Variants in PTPRT observed in about 807,000 individuals in gnomAD.
PTPRT encodes the protein protein tyrosine phosphatase receptor type T, also known as receptor-type tyrosine-protein phosphatase T.
A neutral mutation model predicts 176.8 loss-of-function variants in PTPRT; 56 were observed. The ratio of observed to expected loss-of-function variants is 0.32; its 90% CI spans 0.26 to 0.40. The LOEUF is 0.40. PTPRT is among the 10% of genes least tolerant of loss of function. The pLI is 1.00. For synonymous variants in PTPRT, 783 were observed against 739.0 expected, an observed-to-expected ratio of 1.06 and a Z score of -0.96; for missense variants, 1,540 against 1,908.2, an observed-to-expected ratio of 0.81 and a Z score of 3.60.
At chr20:42,506,668 C>T (rs1373834177) in intron 7 of PTPRT, among the ~76,000 whole-genome samples, 1 of 152,054 alleles carries the variant, frequency 6.6e-6, no homozygotes, top group African/African-American at 2.4e-5. Context: ...AGTATCAGGG[C>T]TCCTTGGAGG....
intron 7 of PTPRT, among the ~76,000 whole-genome samples, chr20:42,524,597 G>C (rs1290356646): frequency 1.3e-5 from 2 of 152,152 alleles, no homozygotes; most frequent in Non-Finnish European, 2.9e-5. Flanking sequence ...AAATCTAAGT[G>C]TCTTTTGATT....
chr20:43,011,645 A>C (rs1985131334), intron 1 of PTPRT, among the ~76,000 whole-genome samples: 1 of 152,208 alleles, frequency 6.6e-6, no homozygotes, highest in Non-Finnish European at 1.5e-5. Flanking sequence ...ATGATGGCCC[A>C]AAATTGGAAT....
intron 7 of PTPRT, among the ~76,000 whole-genome samples, chr20:42,492,784 G>C (rs1004114269): frequency 2.0e-5 from 3 of 152,056 alleles, no homozygotes; most frequent in Non-Finnish European, 2.9e-5. Flanking sequence ...GGTTTTAATT[G>C]GGCTGCTTTT....
intron 9 of PTPRT, among the ~76,000 whole-genome samples, chr20:42,434,335 T>G (rs57287359): frequency 0.11 from 16,675 of 152,208 alleles, 932 homozygotes; most frequent in Middle Eastern, 0.14. Flanking sequence ...CATTTTTATT[T>G]ATTAAACAAA....
At chr20:42,893,642 G>A (rs559963093) in intron 1 of PTPRT, among the ~76,000 whole-genome samples, 8,231 of 150,912 alleles carry the variant, frequency 0.055, 609 homozygotes, top group African/African-American at 0.17. Context: ...CTGGATTAAG[G>A]AAATGTGGCA....
chr20:42,054,623 G>T, the PTPRT span, among the ~76,000 whole-genome samples: 1 of 152,154 alleles, frequency 6.6e-6, no homozygotes, highest in Admixed American at 6.5e-5. Flanking sequence ...GTCTAAGGCA[G>T]CAAGGGAGTT....
At chr20:42,033,874 AC>A in the PTPRT span, among the ~76,000 whole-genome samples, 1 of 152,048 alleles carries the variant, frequency 6.6e-6, no homozygotes, top group African/African-American at 2.4e-5. Flanking sequence ...ATTTTTTCTT[AC>A]CTTTCTCTGT....
At chr20:42,702,397 A>C (rs569753592) in intron 6 of PTPRT, among the ~76,000 whole-genome samples, 1 of 152,332 alleles carries the variant, frequency 6.6e-6, no homozygotes, top group Admixed American at 6.5e-5. Context: ...GGTTGCAAGG[A>C]AGGCAAACCA....
rs138789861 is a variant in PTPRT at position 43,137,173 on chromosome 20, G to A, written c.88+52473C>T. 1.3e-3 allele frequency among the ~76,000 whole-genome samples: 201 copies of A among 152,188 alleles called. 3 individuals are homozygous for A. Among genetic ancestry groups the A allele is most frequent in the East Asian group, 0.011 (55 of 5,162 alleles). ...TCCTCCTGAGGAGAAGGGAAAACTG[G>A]GGCCCAGAAGGGTGAGGCAGCATGT... On this transcript the variant is annotated intron_variant, in intron 1 of 30. Coordinates refer to ENST00000373187, the MANE Select transcript of PTPRT (RefSeq NM_007050.6).
At chr20:42,201,878 G>A (rs1279947459) in intron 15 of PTPRT, among the ~76,000 whole-genome samples, 2 of 151,844 alleles carry the variant, frequency 1.3e-5, no homozygotes, top group African/African-American at 4.8e-5. Context: ...CACTCTGGAA[G>A]CAGAGAGCAC....
chr20:42,315,783 A>G lies in PTPRT; in HGVS notation c.2079T>C (p.Pro693=). 1.2e-6 allele frequency: 2 copies of G among 1,614,086 alleles called. No homozygotes were observed. Among genetic ancestry groups the G allele is most frequent in the South Asian group, 1.1e-5 (1 of 91,068 alleles). The change falls in exon 12 of 31, where the codon CCT becomes CCC. Residue 693 remains proline, a synonymous_variant. Transcript: ENST00000373187. ...DNKTYNGYWN[P]PLSPLKSYSI... ...TGTAGCTTTTCAGGGGAGAGAGAGG[A>G]GGGTTCCAGTAGCCATTGTATGTCT...
At chr20:43,161,013 C>T (rs763732204) in intron 1 of PTPRT, among the ~76,000 whole-genome samples, 59 of 152,058 alleles carry the variant, frequency 3.9e-4, no homozygotes, top group Admixed American at 2.9e-3. Context: ...CTCAGCCTTC[C>T]GAAGTGCTGG....
chr20:43,116,502 A>G (rs1429832832), intron 1 of PTPRT, among the ~76,000 whole-genome samples: 1 of 152,244 alleles, frequency 6.6e-6, no homozygotes, highest in Admixed American at 6.5e-5. Flanking sequence ...GTGAAAATAA[A>G]TAATAGCAAA....
intron 9 of PTPRT, among the ~76,000 whole-genome samples, chr20:42,443,612 T>C (rs1441421583): frequency 6.6e-6 from 1 of 152,172 alleles, no homozygotes; most frequent in Non-Finnish European, 1.5e-5. Context: ...CCCCTTTCAG[T>C]GGGCAGAGAG....
At chr20:43,003,338 C>T (rs760065932) in intron 1 of PTPRT, among the ~76,000 whole-genome samples, 2 of 152,156 alleles carry the variant, frequency 1.3e-5, no homozygotes, top group Non-Finnish European at 2.9e-5. Context: ...AGATGCATGC[C>T]ACCACACTTA....
intron 1 of PTPRT, among the ~76,000 whole-genome samples, chr20:43,005,823 A>G (rs898773202): frequency 1.3e-5 from 2 of 152,240 alleles, no homozygotes; most frequent in Non-Finnish European, 2.9e-5. Context: ...TCTTTTCCTC[A>G]ATCCTCAGAA....
intron 9 of PTPRT, among the ~76,000 whole-genome samples, chr20:42,374,338 C>A (rs2058625536): frequency 1.3e-5 from 2 of 152,224 alleles, no homozygotes. Flanking sequence ...AATAAAGCCA[C>A]ACATTTATTA....
At chr20:42,155,033 C>T (rs1298271495) in intron 17 of PTPRT, among the ~76,000 whole-genome samples, 1 of 152,154 alleles carries the variant, frequency 6.6e-6, no homozygotes, top group East Asian at 1.9e-4. Flanking sequence ...CTGGGGACTC[C>T]ATGGGTTTTC....
At chr20:42,067,893 AT>A (rs1568891921), downstream of PTPRT, among the ~76,000 whole-genome samples, 1 of 152,116 alleles carries the variant, frequency 6.6e-6, no homozygotes, top group Admixed American at 6.6e-5. Flanking sequence ...CTTAAACGAA[AT>A]TTTTTTTGGA....
Sources: allele counts gnomAD v4.1 joint callset (sites outside exome capture counted in the v4.1 genomes callset), GRCh38; gene constraint gnomAD v4.1.1; transcripts MANE v1.5; gene names NCBI Gene and HGNC (gene_info 2026-07-23, HGNC 2026-07-21).